Variants in BMPER observed in about 807,000 individuals in gnomAD.
BMPER encodes the protein BMP binding endothelial regulator, also known as BMP-binding endothelial regulator protein.
In BMPER, 45 loss-of-function variants were observed where a neutral mutation model predicts 87.3. The ratio of observed to expected loss-of-function variants is 0.52; its 90% CI spans 0.41 to 0.66. BMPER has a LOEUF of 0.66. Among genes scored for constraint, BMPER ranks in the 30% least tolerant of loss-of-function variants. The pLI, the probability that BMPER is intolerant of heterozygous loss-of-function variation, is 0.00. For synonymous variants in BMPER, 326 were observed against 316.2 expected (o/e 1.03, Z -0.33); for missense variants, 784 against 867.5 (o/e 0.90, Z 1.21).
intron 13 of BMPER, among the ~76,000 whole-genome samples, chr7:34,129,653 A>AAAGAAAGAAAGAAAGAAAGC: frequency 6.6e-6 from 1 of 151,352 alleles, no homozygotes; most frequent in Non-Finnish European, 1.5e-5. Flanking sequence ...AGAAAGAAAG[A>AAAGAAAGAAAGAAAGAAAGC]AAGAAAGAAA....
chr7:34,129,630 G>GAGAAAGAAAGAAAA (rs1790516440), intron 13 of BMPER, among the ~76,000 whole-genome samples: 1 of 56,272 alleles, frequency 1.8e-5, no homozygotes, highest in Non-Finnish European at 3.5e-5. Context: ...GAGAGAAAGA[G>GAGAAAGAAAGAAAA]AGAAAGAAAG....
rs1006258754 is a variant in BMPER, at chr7:34,029,230, A to G, written c.577-17076A>G. 2.0e-5 allele frequency among the ~76,000 whole-genome samples: 3 copies of G among 152,094 alleles called. No individual in the cohort carries two copies. In the South Asian group the frequency reaches 6.2e-4, roughly 32 times the overall value. On this transcript the variant is annotated intron_variant, in intron 6 of 14. Coordinates refer to ENST00000649409, the MANE Select transcript of BMPER (RefSeq NM_001365308.1). ...AAAATTGTTTGTGCATGTTGTGCCA[A>G]ATTTGAAGATCAAAAGTGAGAATGA...
chr7:34,153,396 G>A lies in BMPER; in HGVS notation c.*123G>A. ...AAACACACACACACAGAGTATATAT[G>A]TGTATATATATATAGATATATTCAA... On this transcript the variant is annotated 3_prime_UTR_variant, in exon 15 of 15. Transcript: ENST00000649409. The A allele has an allele frequency of 1.1e-6, 1 of 872,296 alleles. No individual in the cohort carries two copies. Among genetic ancestry groups the A allele is most frequent in the Middle Eastern group, 3.4e-4 (1 of 2,938 alleles). 54.0% of individuals were successfully genotyped at this position (872,296 alleles called of 1,614,324 possible).
At position 34,045,327 on chromosome 7, in the gene BMPER, A is replaced by G. The variant is rs567104790; in HGVS notation, c.577-979A>G. On this transcript the variant is annotated intron_variant, in intron 6 of 14. Coordinates refer to ENST00000649409, the MANE Select transcript of BMPER (RefSeq NM_001365308.1). ...CGTAAATCAACTGGAAAACCTTTTT[A>G]TTTCTACCCCAGCTTTCTGAATATG... 1.3e-4 allele frequency among the ~76,000 whole-genome samples: 20 copies of G among 152,112 alleles called. No individual in the cohort carries two copies. The South Asian group carries it at 1.7e-3, about 13-fold the overall frequency.
At chr7:34,144,853 C>G (rs1790976303) in intron 14 of BMPER, among the ~76,000 whole-genome samples, 1 of 152,188 alleles carries the variant, frequency 6.6e-6, no homozygotes, top group Non-Finnish European at 1.5e-5. Flanking sequence ...GTCTTAATAG[C>G]CTTAGCTCAC....
At chr7:33,912,995 A>G (rs1783998521) in intron 2 of BMPER, among the ~76,000 whole-genome samples, 1 of 152,234 alleles carries the variant, frequency 6.6e-6, no homozygotes, top group South Asian at 2.1e-4. Flanking sequence ...TTGAGGAGAC[A>G]AAGACCAACA....
Position 34,151,827 on chromosome 7 carries a change from A to AGAT in BMPER, c.1877-1263_1877-1261dup, listed in dbSNP as rs755820909. On this transcript the variant is annotated intron_variant, in intron 14 of 14. Transcript: ENST00000649409. The stretch of plus-strand genomic sequence containing the variant: ...AAGTAGTTTAAAGTTGGTTTTATTT[A>AGAT]GATGTTTTGTTTCATACAACTTGGT... Among the ~76,000 whole-genome samples the AGAT allele has an allele frequency of 4.6e-5, 7 of 152,366 alleles. No homozygotes were observed. The East Asian group carries it at 9.6e-4, about 21-fold the overall frequency.
intron 6 of BMPER, among the ~76,000 whole-genome samples, chr7:34,031,941 C>CAT (rs1787534140): frequency 7.8e-6 from 1 of 127,476 alleles, no homozygotes; most frequent in Admixed American, 8.0e-5. Context: ...CACACACACA[C>CAT]ACATATATAT....
At position 33,992,461 on chromosome 7, in the gene BMPER, A is replaced by T. The variant is rs544523531; in HGVS notation, c.576+17677A>T. On this transcript the variant is annotated intron_variant, in intron 6 of 14. Transcript: ENST00000649409. ...CAACCCCTGCCTTTTTTTGTTTTCCATTGGCTTGGTAGATCTTCCTCCATC... is the reference window on the plus strand; with the variant it reads ...CAACCCCTGCCTTTTTTTGTTTTCCTTTGGCTTGGTAGATCTTCCTCCATC... Among the ~76,000 whole-genome samples, 1,162 of 143,338 alleles carry T rather than the reference A, an allele frequency of 8.1e-3. 17 individuals carry two copies. Among genetic ancestry groups the T allele is most frequent in the African/African-American group, 0.028 (1,088 of 38,512 alleles). 94.0% of individuals were successfully genotyped at this position (143,338 alleles called of 152,430 possible).
In BMPER at chr7:34,153,132, T is replaced by C; in HGVS notation, c.1917T>C (p.Gly639=). The C allele has an allele frequency of 1.2e-6, 2 of 1,614,038 alleles. No individual in the cohort carries two copies. The highest frequency in any genetic ancestry group is 3.3e-5 in the Admixed American group (2 of 60,008). The stretch of plus-strand genomic sequence containing the variant: ...ATGGTGCTGTGTACGATACCTGTGG[T>C]CCGGGATGTATCAAGACGTGTGACA... ...CKHGAVYDTC[G]PGCIKTCDNW... Residue 639 remains glycine, a synonymous_variant, in exon 15 of 15, where the codon GGT becomes GGC. Coordinates refer to ENST00000649409, the MANE Select transcript of BMPER (RefSeq NM_001365308.1).
chr7:33,955,860 A>G (rs552904886), intron 3 of BMPER, among the ~76,000 whole-genome samples: 2 of 152,344 alleles, frequency 1.3e-5, no homozygotes, highest in East Asian at 3.9e-4. Flanking sequence ...GCATAGACAG[A>G]AGGATGGACA....
intron 6 of BMPER, among the ~76,000 whole-genome samples, chr7:34,034,119 G>C (rs372754167): frequency 1.3e-5 from 2 of 152,112 alleles, no homozygotes; most frequent in African/African-American, 4.8e-5. Context: ...TCACTGAGGT[G>C]CTACTCCCTT....
At chr7:34,034,702 A>G (rs1480303250) in intron 6 of BMPER, among the ~76,000 whole-genome samples, 1 of 152,226 alleles carries the variant, frequency 6.6e-6, no homozygotes, top group Non-Finnish European at 1.5e-5. Flanking sequence ...TAGTTAAACA[A>G]TTCTTTTGTG....
intron 6 of BMPER, among the ~76,000 whole-genome samples, chr7:34,018,151 T>TA (rs1211843373): frequency 6.6e-6 from 1 of 151,940 alleles, no homozygotes; most frequent in Non-Finnish European, 1.5e-5. Flanking sequence ...ATCCAGTTTT[T>TA]ACCCTTCAAC....
intron 12 of BMPER, among the ~76,000 whole-genome samples, chr7:34,082,120 C>G (rs1024009099): frequency 6.6e-6 from 1 of 152,108 alleles, no homozygotes; most frequent in African/African-American, 2.4e-5. Flanking sequence ...CTGCTCGCAT[C>G]CCCAGATGAG....
chr7:33,931,002 A>G (rs1236745695), intron 2 of BMPER, among the ~76,000 whole-genome samples: 1 of 152,104 alleles, frequency 6.6e-6, no homozygotes, highest in East Asian at 1.9e-4. Context: ...CTGCCAACAC[A>G]CTTCTTTTTT....
At chr7:33,925,088 C>T (rs187583672) in intron 2 of BMPER, among the ~76,000 whole-genome samples, 205 of 152,328 alleles carry the variant, frequency 1.3e-3, no homozygotes, top group African/African-American at 4.6e-3. Flanking sequence ...GTGTTCCCTG[C>T]AGTCGTCCCT....
Position 33,906,908 on chromosome 7 carries a change from G to A in BMPER, c.219+5G>A. 1 of 1,609,278 alleles carries A rather than the reference G, an allele frequency of 6.2e-7. No individual in the cohort carries two copies. Among genetic ancestry groups the A allele is most frequent in the Non-Finnish European group, 8.5e-7 (1 of 1,175,836 alleles). ...TGCATAATGTGTGTCTGCTTGGTAA[G>A]TGTGGAGATCAGGTAATATGAACTC... On this transcript the variant is annotated splice_donor_5th_base_variant and intron_variant, in intron 2 of 14. Transcript: ENST00000649409.
intron 6 of BMPER, among the ~76,000 whole-genome samples, chr7:34,027,115 G>GTA (rs1445105159): frequency 6.6e-6 from 1 of 152,148 alleles, no homozygotes; most frequent in South Asian, 2.1e-4. Flanking sequence ...ACTGCATGAG[G>GTA]TAGATTTCAA....
Sources: allele counts gnomAD v4.1 joint callset (sites outside exome capture counted in the v4.1 genomes callset), GRCh38; gene constraint gnomAD v4.1.1; transcripts MANE v1.5; gene names NCBI Gene and HGNC (gene_info 2026-07-23, HGNC 2026-07-21).